Variants in GABRB1 observed in about 807,000 individuals in gnomAD.
GABRB1 encodes gamma-aminobutyric acid type A receptor subunit beta1.
A neutral mutation model predicts 51.6 loss-of-function variants in GABRB1; 17 were observed. The ratio of observed to expected loss-of-function variants is 0.33; its 90% CI spans 0.23 to 0.49. The LOEUF (loss-of-function observed/expected upper bound fraction) is 0.49. GABRB1 is among the 20% of genes least tolerant of loss of function. The pLI is 0.99. For missense variants in GABRB1, 410 were observed against 600.6 expected (o/e 0.68, Z 3.32); for synonymous variants, 247 against 218.9 (o/e 1.13, Z -1.14).
chr4:47,002,154 C>T (rs1398308625), intron 1 of GABRB1, among the ~76,000 whole-genome samples: 1 of 152,082 alleles, frequency 6.6e-6, no homozygotes, highest in African/African-American at 2.4e-5. Context: ...TTGGAGACAA[C>T]AAAATACTAG....
intron 4 of GABRB1, among the ~76,000 whole-genome samples, chr4:47,219,165 A>T (rs893000147): frequency 1.3e-5 from 2 of 151,882 alleles, no homozygotes; most frequent in Non-Finnish European, 2.9e-5. Flanking sequence ...GGAAATGTTA[A>T]TAAAATGTAC....
At chr4:47,293,394 C>T (rs1178616335) in intron 4 of GABRB1, among the ~76,000 whole-genome samples, 4 of 152,184 alleles carry the variant, frequency 2.6e-5, no homozygotes, top group Non-Finnish European at 5.9e-5. Flanking sequence ...CCACCTCGGC[C>T]TCCCAAAGTG....
chr4:47,077,675 TA>T (rs1349837415), intron 3 of GABRB1, among the ~76,000 whole-genome samples: 1 of 151,584 alleles, frequency 6.6e-6, no homozygotes, highest in African/African-American at 2.4e-5. Context: ...CACACCCTTC[TA>T]AATAAAGTTT....
At chr4:47,355,362 T>C (rs1726528126) in intron 5 of GABRB1, among the ~76,000 whole-genome samples, 1 of 152,190 alleles carries the variant, frequency 6.6e-6, no homozygotes. Context: ...GTGCACAATG[T>C]GCAGGTAGTG....
chr4:47,280,262 C>T (rs1486231310), intron 4 of GABRB1, among the ~76,000 whole-genome samples: 3 of 151,818 alleles, frequency 2.0e-5, no homozygotes, highest in Non-Finnish European at 4.4e-5. Flanking sequence ...TGGTCACTTG[C>T]ACAAACTCTA....
chr4:47,322,562 T>G (rs1294837897), intron 5 of GABRB1, among the ~76,000 whole-genome samples: 4 of 152,160 alleles, frequency 2.6e-5, no homozygotes, highest in African/African-American at 7.2e-5. Flanking sequence ...GTAAAATGAC[T>G]TACCCAGAGT....
chr4:47,244,342 C>A (rs554436361), intron 4 of GABRB1, among the ~76,000 whole-genome samples: 3 of 152,156 alleles, frequency 2.0e-5, no homozygotes, highest in East Asian at 1.9e-4. Context: ...GTCTAAAATT[C>A]TCTTTTTTTG....
At chr4:47,239,394 G>C (rs1421749926) in intron 4 of GABRB1, among the ~76,000 whole-genome samples, 2 of 151,926 alleles carry the variant, frequency 1.3e-5, no homozygotes, top group African/African-American at 4.8e-5. Flanking sequence ...TTATTTCCAG[G>C]TTTTGGTAAT....
intron 5 of GABRB1, among the ~76,000 whole-genome samples, chr4:47,323,396 C>A (rs183219295): frequency 5.3e-5 from 8 of 152,270 alleles, no homozygotes; most frequent in Non-Finnish European, 8.8e-5. Context: ...TTTCAATGAG[C>A]TTTGCTTGTT....
chr4:47,090,419 G>T (rs1489458561), intron 3 of GABRB1, among the ~76,000 whole-genome samples: 2 of 152,122 alleles, frequency 1.3e-5, no homozygotes, highest in African/African-American at 4.8e-5. Context: ...GGATAAAAGG[G>T]GAAAGTGAGG....
At position 47,425,578 on chromosome 4, in the gene GABRB1, G is replaced by A. The variant is rs111991230; in HGVS notation, c.1081-96G>A. On this transcript the variant is annotated intron_variant, in intron 8 of 8. Transcript: ENST00000295454. ...CAAGCCAGATGTTTAGGAACACAGT[G>A]TTTAATGAGCCTTATGGGGTATCAT... The A allele has an allele frequency of 8.9e-4, 838 of 945,834 alleles. 5 individuals carry two copies. In the African/African-American group the frequency reaches 0.011, roughly 13 times the overall value. 58.6% of individuals were successfully genotyped at this position (945,834 alleles called of 1,614,324 possible). A position where few individuals can be genotyped will look rare whatever the true frequency, so the allele number is the denominator to read the frequency against.
At chr4:47,388,887 G>A (rs780028093) in intron 5 of GABRB1, among the ~76,000 whole-genome samples, 61 of 152,228 alleles carry the variant, frequency 4.0e-4, no homozygotes, top group Non-Finnish European at 8.2e-4. Flanking sequence ...AAAAAGGATT[G>A]GGTTTGTTTT....
chr4:47,230,337 G>C (rs1343218557), intron 4 of GABRB1, among the ~76,000 whole-genome samples: 1 of 152,090 alleles, frequency 6.6e-6, no homozygotes, highest in Non-Finnish European at 1.5e-5. Context: ...CCATAAACCA[G>C]AGCTGAGATT....
At chr4:47,104,193 T>C (rs576997816) in intron 3 of GABRB1, among the ~76,000 whole-genome samples, 1 of 151,864 alleles carries the variant, frequency 6.6e-6, no homozygotes, top group East Asian at 1.9e-4. Flanking sequence ...CAGGTTTTTT[T>C]CTTCTTATCA....
chr4:47,129,256 C>A (rs747181186), intron 3 of GABRB1, among the ~76,000 whole-genome samples: 1 of 152,000 alleles, frequency 6.6e-6, no homozygotes, highest in Non-Finnish European at 1.5e-5. Context: ...CAAAACAGAG[C>A]CTTCTTTTAA....
At chr4:47,272,459 A>C (rs1234234172) in intron 4 of GABRB1, among the ~76,000 whole-genome samples, 1 of 152,162 alleles carries the variant, frequency 6.6e-6, no homozygotes, top group Non-Finnish European at 1.5e-5. Context: ...AGTTCAAGAT[A>C]AGAATTCTAT....
At chr4:47,080,363 G>A (rs1410047539) in intron 3 of GABRB1, among the ~76,000 whole-genome samples, 2 of 151,812 alleles carry the variant, frequency 1.3e-5, no homozygotes, top group African/African-American at 4.8e-5. Context: ...AACATGGCAC[G>A]TGGTGTACAT....
At chr4:47,282,031 ATATT>A (rs1208281613) in intron 4 of GABRB1, among the ~76,000 whole-genome samples, 2 of 151,888 alleles carry the variant, frequency 1.3e-5, no homozygotes, top group African/African-American at 2.4e-5. Context: ...TATTGCTAGA[ATATT>A]TAATGTTCTC....
chr4:47,218,080 A>G (rs916561060), intron 4 of GABRB1, among the ~76,000 whole-genome samples: 4 of 151,874 alleles, frequency 2.6e-5, no homozygotes, highest in African/African-American at 7.2e-5. Flanking sequence ...GAGTGAGAAC[A>G]TATGGTATTT....
Sources: gnomAD v4.1 joint callset for allele counts (sites outside exome capture counted in the v4.1 genomes callset) on GRCh38, gnomAD v4.1.1 for gene constraint, MANE v1.5 for transcripts, NCBI Gene and HGNC (gene_info 2026-07-23, HGNC 2026-07-21) for gene names.